The following CTNNA2 variants were observed in gnomAD, a reference collection of about 807,000 sequenced individuals.
The protein encoded by CTNNA2 is catenin alpha-2.
Under a neutral mutation model 101.0 loss-of-function variants are expected in CTNNA2, and 42 were observed. The ratio of observed to expected loss-of-function variants is 0.42; its 90% CI spans 0.32 to 0.54. The LOEUF is 0.54. CTNNA2 is among the 20% of genes least tolerant of loss of function. The pLI is 0.14. For missense variants in CTNNA2, 871 were observed against 1,223.1 expected (o/e 0.71, Z 4.29); for synonymous variants, 450 against 456.4 (o/e 0.99, Z 0.18).
intron 2 of CTNNA2, among the ~76,000 whole-genome samples, chr2:79,253,871 A>G (rs961009026): frequency 4.6e-5 from 7 of 152,196 alleles, no homozygotes; most frequent in African/African-American, 1.7e-4. Flanking sequence ...GTTAGCTGTC[A>G]TCAGTGCCTG....
At chr2:79,947,989 T>C (rs1688618614) in intron 7 of CTNNA2, among the ~76,000 whole-genome samples, 1 of 152,178 alleles carries the variant, frequency 6.6e-6, no homozygotes, top group Admixed American at 6.5e-5. Context: ...TGCCCAGTGT[T>C]CCCGTCCCTG....
intron 4 of CTNNA2, among the ~76,000 whole-genome samples, chr2:79,462,944 A>C (rs2104537225): frequency 6.6e-6 from 1 of 152,354 alleles, no homozygotes; most frequent in South Asian, 2.1e-4. Context: ...CTCCCCAGTT[A>C]GGAAGAGTCA....
At chr2:80,206,877 A>G (rs1223874395) in intron 7 of CTNNA2, among the ~76,000 whole-genome samples, 3 of 152,244 alleles carry the variant, frequency 2.0e-5, no homozygotes, top group East Asian at 3.8e-4. Flanking sequence ...ATGTATTAAC[A>G]GAAGCTGGTC....
intron 2 of CTNNA2, among the ~76,000 whole-genome samples, chr2:79,660,665 TTTAA>T (rs1228737995): frequency 1.3e-5 from 2 of 152,094 alleles, no homozygotes; most frequent in Non-Finnish European, 2.9e-5. Context: ...GAAATAGGAG[TTTAA>T]TTAACCAGTG....
chr2:79,471,634 C>T (rs544358511), intron 4 of CTNNA2, among the ~76,000 whole-genome samples: 17 of 152,094 alleles, frequency 1.1e-4, no homozygotes, highest in South Asian at 4.2e-4. Flanking sequence ...ATCAGGAGAT[C>T]GAGACCATCC....
intron 7 of CTNNA2, among the ~76,000 whole-genome samples, chr2:80,074,972 A>G (rs887974487): frequency 6.6e-6 from 1 of 152,186 alleles, no homozygotes; most frequent in Non-Finnish European, 1.5e-5. Context: ...AAGTCCGTTA[A>G]AACTACTGTG....
intron 4 of CTNNA2, among the ~76,000 whole-genome samples, chr2:79,480,834 C>T (rs1465339438): frequency 1.3e-5 from 2 of 152,058 alleles, no homozygotes; most frequent in Non-Finnish European, 2.9e-5. Context: ...TTAACGTTTT[C>T]CGTGGTTTGC....
At chr2:80,296,897 G>A (rs1054107774) in intron 7 of CTNNA2, among the ~76,000 whole-genome samples, 1 of 152,116 alleles carries the variant, frequency 6.6e-6, no homozygotes, top group African/African-American at 2.4e-5. Flanking sequence ...ATTTGCCCCT[G>A]GTTGAGAACC....
intron 6 of CTNNA2, among the ~76,000 whole-genome samples, chr2:79,890,637 CCTTT>C (rs371360495): frequency 6.6e-6 from 1 of 151,652 alleles, no homozygotes; most frequent in African/African-American, 2.4e-5. Context: ...ATTTTCTTTT[CCTTT>C]CTTCTCTTAG....
Position 80,589,306 on chromosome 2 carries a change from C to A in CTNNA2, c.2010C>A (p.Ala670=). The A allele has an allele frequency of 6.2e-7, 1 of 1,613,944 alleles. No homozygotes were observed. Among genetic ancestry groups the A allele is most frequent in the Non-Finnish European group, 8.5e-7 (1 of 1,179,884 alleles). The change falls in exon 15 of 19, where the codon GCC becomes GCA. Residue 670 remains alanine (A), a splice_region_variant and synonymous_variant. Transcript: ENST00000402739. ...CGCTTTTTCTGTAACCCACGCAGGCCATCATGGCGCAACTACCGCAGGAGG... is the reference window on the plus strand; with the variant it reads ...CGCTTTTTCTGTAACCCACGCAGGCAATCATGGCGCAACTACCGCAGGAGG... ...DQLIAGQSAR[A]IMAQLPQEEK...
intron 2 of CTNNA2, among the ~76,000 whole-genome samples, chr2:79,267,239 A>G (rs1674997940): frequency 6.6e-6 from 1 of 152,164 alleles, no homozygotes; most frequent in African/African-American, 2.4e-5. Flanking sequence ...CTATAAAAAA[A>G]TACCATAAAC....
chr2:79,345,859 A>ATTTTTT (rs71385269), intron 3 of CTNNA2, among the ~76,000 whole-genome samples: 1 of 130,608 alleles, frequency 7.7e-6, no homozygotes, highest in Non-Finnish European at 1.6e-5. Flanking sequence ...CGCCCGGTTG[A>ATTTTTT]TTTTTTTTTT....
At chr2:79,910,107 G>T (rs1248300632) in intron 7 of CTNNA2, among the ~76,000 whole-genome samples, 1 of 152,136 alleles carries the variant, frequency 6.6e-6, no homozygotes, top group Admixed American at 6.5e-5. Context: ...AATTGGTAAA[G>T]GTAGATGATT....
intron 1 of CTNNA2, among the ~76,000 whole-genome samples, chr2:79,532,149 T>C (rs1672784459): frequency 6.6e-6 from 1 of 152,132 alleles, no homozygotes. Context: ...AACTGACCAA[T>C]TTCTGTTCCA....
At chr2:79,954,155 A>G (rs1689066055) in intron 7 of CTNNA2, among the ~76,000 whole-genome samples, 1 of 152,118 alleles carries the variant, frequency 6.6e-6, no homozygotes, top group Admixed American at 6.5e-5. Flanking sequence ...AAAAACTACC[A>G]TTTATAAAAC....
intron 9 of CTNNA2, among the ~76,000 whole-genome samples, chr2:80,438,714 C>T (rs1208820974): frequency 1.4e-5 from 2 of 147,706 alleles, no homozygotes; most frequent in Non-Finnish European, 3.0e-5. Flanking sequence ...TGCAGTGAGT[C>T]GAGATCCAAC....
chr2:79,326,954 C>T (rs1368966), intron 3 of CTNNA2, among the ~76,000 whole-genome samples: 15,963 of 152,040 alleles, frequency 0.1, 1,004 homozygotes, highest in Middle Eastern at 0.2. Context: ...GATCTGGTGG[C>T]CTGGGCTCCC....
At chr2:79,306,763 A>G (rs1326545057) in intron 2 of CTNNA2, among the ~76,000 whole-genome samples, 1 of 152,230 alleles carries the variant, frequency 6.6e-6, no homozygotes, top group Non-Finnish European at 1.5e-5. Context: ...CAGTGTTTTC[A>G]ACATTCTCAC....
chr2:79,543,180 C>G (rs1165405799), intron 1 of CTNNA2, among the ~76,000 whole-genome samples: 2 of 151,994 alleles, frequency 1.3e-5, no homozygotes, highest in Admixed American at 1.3e-4. Context: ...TTTACTATTT[C>G]GGAACACGTT....
Sources: gnomAD v4.1 joint callset for allele counts (sites outside exome capture counted in the v4.1 genomes callset) on GRCh38, gnomAD v4.1.1 for gene constraint, MANE v1.5 for transcripts, NCBI Gene and HGNC (gene_info 2026-07-23, HGNC 2026-07-21) for gene names.